KMT2D: variants seen among roughly 807,000 people sequenced by gnomAD.
KMT2D encodes the protein lysine methyltransferase 2D.
A neutral mutation model predicts 512.7 loss-of-function variants in KMT2D; 55 were observed. That is an observed-to-expected ratio of 0.11 (90% CI 0.09 to 0.13). The LOEUF (loss-of-function observed/expected upper bound fraction) is 0.13. KMT2D is among the 10% of genes least tolerant of loss of function. The pLI, the probability that KMT2D is intolerant of heterozygous loss-of-function variation, is 1.00. For synonymous variants in KMT2D, 2,995 were observed against 2,904.0 expected, an observed-to-expected ratio of 1.03 and a Z score of -1.01; for missense variants, 6,061 against 7,127.9, an observed-to-expected ratio of 0.85 and a Z score of 5.39.
intron 25 of KMT2D, 27 bp from the exon 26 acceptor site, chr12:49,043,213 G>C (rs765915013): frequency 7.5e-6 from 12 of 1,599,262 alleles, no homozygotes; most frequent in Middle Eastern, 1.7e-4. Flanking sequence ...AAACCCATGG[G>C]TCAAGGCCAG....
At position 49,041,228 on chromosome 12, in the gene KMT2D, G is replaced by T; in HGVS notation, c.6542C>A (p.Pro2181His). Residue 2181 changes from proline (P) to histidine (H), a missense_variant, in exon 32 of 55, where the codon CCT becomes CAT. By Grantham distance (77) the Pro-to-His change is moderately conservative. Around this residue, in one of 16 missense-constraint regions of KMT2D, gnomAD observed 710 missense variants for 647.3 expected, o/e 1.10. Coordinates refer to ENST00000301067, the MANE Select transcript of KMT2D (RefSeq NM_003482.4). This position sits in a 1 kb window ranked among gnomAD's most constrained non-coding sequence, Gnocchi z 5.4. ...GAAGCGGGGCTCCAGGGGATAGGCAGGGGCCAGTCCAAAGGGGTCCTGCGA... is the reference window on the plus strand; with the variant it reads ...GAAGCGGGGCTCCAGGGGATAGGCATGGGCCAGTCCAAAGGGGTCCTGCGA... The part of the protein sequence containing the change: ...VPSQDPFGLA[P>H]AYPLEPRFPT... 6.6e-7 allele frequency: 1 copy of T among 1,514,086 alleles called. No individual in the cohort carries two copies. The highest frequency in any genetic ancestry group is 1.3e-5 in the South Asian group (1 of 74,468). 93.8% of individuals were successfully genotyped at this position (1,514,086 alleles called of 1,614,324 possible).
intron 9 of KMT2D, 21 bp from the exon 10 acceptor site, chr12:49,052,730 C>T: frequency 6.2e-7 from 1 of 1,609,368 alleles, no homozygotes; most frequent in Non-Finnish European, 8.5e-7. Context: ...TACAGGGGAG[C>T]AGGCACTGTG....
At position 49,020,057 on chromosome 12, in the gene KMT2D, G is replaced by T. The variant is rs530183421; in HGVS notation, c.*1723C>A. The stretch of plus-strand genomic sequence containing the variant: ...CCCCACGGTTCCCTACCAGAGAGGG[G>T]TTTGGGGCCTCACCCACCCCTTACC... On this transcript the variant is annotated 3_prime_UTR_variant, in exon 55 of 55. Transcript: ENST00000301067. 5.0e-6 allele frequency: 1 copy of T among 201,178 alleles called. No homozygotes were observed. The highest frequency in any genetic ancestry group is 2.3e-5 in the African/African-American group (1 of 43,564). 12.5% of individuals were successfully genotyped at this position (201,178 alleles called of 1,614,324 possible).
chr12:49,052,219 C>T lies in KMT2D; in HGVS notation c.1464G>A (p.Pro488=), dbSNP rs201966522. Residue 488 remains proline, a synonymous_variant, in exon 11 of 55, where the codon CCG becomes CCA. Transcript: ENST00000301067. ...PLPEALHLSR[P]LEESPLSPPP... Reference sequence around the variant, plus strand: ...GCGGAGAGAGGGGCGATTCCTCCAGCGGCCGGGACAGGTGCAATGCCTCAG... The same window carrying T: ...GCGGAGAGAGGGGCGATTCCTCCAGTGGCCGGGACAGGTGCAATGCCTCAG... 257 of 1,609,856 alleles carry T rather than the reference C, an allele frequency of 1.6e-4. No individual in the cohort carries two copies. The highest frequency in any genetic ancestry group is 2.3e-4 in the African/African-American group (17 of 73,596).
At chr12:49,052,863 T>C in intron 9 of KMT2D, 52 bp downstream of exon 9, 2 of 1,608,080 alleles carry the variant, frequency 1.2e-6, no homozygotes, top group Non-Finnish European at 1.7e-6. Context: ...CCCCTGCCAA[T>C]GTCAGTTCTT....
Position 49,037,376 on chromosome 12 carries a change from T to C in KMT2D, c.9980A>G (p.Gln3327Arg), listed in dbSNP as rs771174318. 1 of 1,610,168 alleles carries C rather than the reference T, an allele frequency of 6.2e-7. No homozygotes were observed. Among genetic ancestry groups the C allele is most frequent in the South Asian group, 1.1e-5 (1 of 90,232 alleles). ...LAGARQPGLP[Q>R]PLMPTQPPAH... The stretch of plus-strand genomic sequence containing the variant: ...TGGTGGCTGGGTGGGCATCAGTGGC[T>C]GGGGCAAACCTGGCTGTCGGGCACC... Residue 3327 changes from glutamine (Q) to arginine (R), a missense_variant, in exon 35 of 55, where the codon CAG becomes CGG. Coordinates refer to ENST00000301067, the MANE Select transcript of KMT2D (RefSeq NM_003482.4).
intron 38 of KMT2D, 27 bp downstream of exon 38, chr12:49,034,383 C>CCATATG: frequency 6.2e-7 from 1 of 1,613,498 alleles, no homozygotes; most frequent in Non-Finnish European, 8.5e-7. Context: ...CACTCCCCTG[C>CCATATG]ACCTTCCTCC....
rs1241809801 is a variant in KMT2D, at chr12:49,027,940, G to C, written c.14516-10C>G. 1 of 1,613,946 alleles carries C rather than the reference G, an allele frequency of 6.2e-7. No homozygotes were observed. On this transcript the variant is annotated splice_polypyrimidine_tract_variant and intron_variant, in intron 47 of 54. Transcript: ENST00000301067. ...CCCTTTTCCTTCCCACCTGCAGAAA[G>C]GAGTGGATCAGAGCCTCCCACCAGA... is the stretch of plus-strand genomic sequence containing the variant.
At chr12:49,034,379 C>G in intron 38 of KMT2D, 31 bp downstream of exon 38, 1 of 1,613,458 alleles carries the variant, frequency 6.2e-7, no homozygotes, top group Non-Finnish European at 8.5e-7. Flanking sequence ...AAACCACTCC[C>G]CTGCACCTTC....
rs1460481305 is a variant in KMT2D at position 49,041,067 on chromosome 12, TG to T, written c.6702del (p.Arg2235AspfsTer29). 6.5e-7 allele frequency: 1 copy of T among 1,537,390 alleles called. No individual in the cohort carries two copies. The highest frequency in any genetic ancestry group is 8.7e-7 in the Non-Finnish European group (1 of 1,143,856). Reference protein sequence around the residue: ...GEFHTTPPGTPRHQPSTPDPF... With the variant: ...GEFHTTPPGTXRHQPSTPDPF... ...GGGTCAGGTGTGGAGGGCTGGTGTC[TG>T]GGGGTGCCAGGTGGGGTAGTGTGGA... On this transcript the variant is annotated frameshift_variant, in exon 32 of 55. Coordinates refer to ENST00000301067, the MANE Select transcript of KMT2D (RefSeq NM_003482.4). LOFTEE classifies it high-confidence loss of function. This position sits in a 1 kb window ranked among gnomAD's most constrained non-coding sequence, Gnocchi z 5.4.
chr12:49,038,960 T>G lies in KMT2D; in HGVS notation c.8396A>C (p.Tyr2799Ser), dbSNP rs1356426477. Residue 2799 changes from tyrosine to serine, a missense_variant, in exon 35 of 55, where the codon TAT (tyrosine) becomes TCT (serine). Tyr to Ser is a moderately radical substitution (Grantham distance 144). This residue lies in a region of KMT2D where 527 missense variants were observed against 578.9 expected (regional missense o/e 0.91). Transcript: ENST00000301067. This position sits in a 1 kb window ranked among gnomAD's most constrained non-coding sequence, Gnocchi z 5.7. ...GGACCCAGGATAGGGTGCTCGCTGATAGAAAGCTTGGGAGCCTCCTACCAG... is the reference window on the plus strand; with the variant it reads ...GGACCCAGGATAGGGTGCTCGCTGAGAGAAAGCTTGGGAGCCTCCTACCAG... The part of the protein sequence containing the change: ...RQLVGGSQAF[Y>S]QRAPYPGSLP... 1.3e-6 allele frequency: 2 copies of G among 1,551,668 alleles called. No individual in the cohort carries two copies. The highest frequency in any genetic ancestry group is 1.7e-6 in the Non-Finnish European group (2 of 1,147,074).
chr12:49,052,105 TGACTCTTCCGGTGGAGACAAGGGC>T lies in KMT2D; in HGVS notation c.1554_1577del (p.Leu520_Pro527del), dbSNP rs1342814361. 2.5e-6 allele frequency: 4 copies of T among 1,608,658 alleles called. No homozygotes were observed. The highest frequency in any genetic ancestry group is 2.5e-6 in the Non-Finnish European group (3 of 1,178,512). ...GCGTCTCAAGTGCAGGAGATGGGGG[TGACTCTTCCGGTGGAGACAAGGGC>T]GACTCCTCCAGTGGAGAAAAAGGTG... On this transcript the variant is annotated inframe_deletion, in exon 11 of 55. Coordinates refer to ENST00000301067, the MANE Select transcript of KMT2D (RefSeq NM_003482.4).
rs1565802807 is a variant in KMT2D at position 49,044,092 on chromosome 12, C to T, written c.5189-94G>A. 6 of 1,592,066 alleles carry T rather than the reference C, an allele frequency of 3.8e-6. No individual in the cohort carries two copies. The highest frequency in any genetic ancestry group is 4.3e-6 in the Non-Finnish European group (5 of 1,167,482). On this transcript the variant is annotated intron_variant, in intron 22 of 54. Coordinates refer to ENST00000301067, the MANE Select transcript of KMT2D (RefSeq NM_003482.4). The surrounding 1 kb of genome is among the most constrained non-coding windows in gnomAD (Gnocchi z 6.4). ...TTGTGCCTACTCTCTCCCACAACAC[C>T]AGCTGGGTCTACCACCCTCTTGGCC...
At position 49,050,917 on chromosome 12, in the gene KMT2D, C is replaced by A. The variant is rs2120659725; in HGVS notation, c.2766G>T (p.Glu922Asp). 1 of 1,537,670 alleles carries A rather than the reference C, an allele frequency of 6.5e-7. No homozygotes were observed. The highest frequency in any genetic ancestry group is 8.8e-7 in the Non-Finnish European group (1 of 1,141,548). ...GCATCAGCTGAGGCGACAAGGATGG[C>A]TCCCCAGATGGGGACAACGGCAGCT... is the stretch of plus-strand genomic sequence containing the variant. ...PEELPLSPSG[E>D]PSLSPQLMPP... The change falls in exon 11 of 55, where the codon GAG (glutamate) becomes GAT (aspartate). Residue 922 changes from glutamate (E) to aspartate (D), a missense_variant. Transcript: ENST00000301067.
intron 12 of KMT2D, 41 bp from the exon 13 acceptor site, chr12:49,049,259 G>T: frequency 1.5e-6 from 2 of 1,302,330 alleles, no homozygotes; most frequent in Non-Finnish European, 2.2e-6. Context: ...CATGTCAAGG[G>T]CTAGTGTGTT....
At chr12:49,058,906 C>T (rs1350366649) in intron 1 of KMT2D, among the ~76,000 whole-genome samples, 1 of 152,312 alleles carries the variant, frequency 6.6e-6, no homozygotes, top group Non-Finnish European at 1.5e-5. Context: ...TTAGATCCAT[C>T]CCAAGAGGAG....
chr12:49,042,143 A>T lies in KMT2D; in HGVS notation c.6055T>A (p.Ser2019Thr). ...TTAATGTTGGCATAGAGCACAGGTG[A>T]GATGGTGGACAGCTGGCCCAACTCC... ...DEELGQLSTI[S>T]PVLYANINFP... Residue 2019 changes from serine (S) to threonine (T), a missense_variant, in exon 29 of 55, where the codon TCA (serine) becomes ACA (threonine). Ser to Thr is a moderately conservative substitution (Grantham distance 58, BLOSUM62 1). This residue lies in a region of KMT2D where 640 missense variants were observed against 814.3 expected (regional missense o/e 0.79). Coordinates refer to ENST00000301067, the MANE Select transcript of KMT2D (RefSeq NM_003482.4). This position sits in a 1 kb window ranked among gnomAD's most constrained non-coding sequence, Gnocchi z 4.4. 6.2e-7 allele frequency: 1 copy of T among 1,613,548 alleles called. No homozygotes were observed. The highest frequency in any genetic ancestry group is 8.5e-7 in the Non-Finnish European group (1 of 1,179,732).
rs2120455385 is a variant in KMT2D, at chr12:49,034,297, C to T, written c.10510G>A (p.Glu3504Lys). 1 of 1,612,058 alleles carries T rather than the reference C, an allele frequency of 6.2e-7. No homozygotes were observed. The highest frequency in any genetic ancestry group is 1.1e-5 in the South Asian group (1 of 91,062). The change falls in exon 39 of 55, where the codon GAA becomes AAA. Residue 3504 changes from glutamate to lysine, a missense_variant and splice_region_variant. Glu to Lys is a moderately conservative substitution (Grantham distance 56, BLOSUM62 1). Around this residue, in one of 16 missense-constraint regions of KMT2D, gnomAD observed 533 missense variants for 539.6 expected, o/e 0.99. Coordinates refer to ENST00000301067, the MANE Select transcript of KMT2D (RefSeq NM_003482.4). ...TCCTCATACTGCCGCTGGTCAGCTT[C>T]ATCTGGGAAAAGAAGCTGGGTGTCA... is the stretch of plus-strand genomic sequence containing the variant. ...PPTFAQGVIN[E>K]ADQRQYEEWL...
rs1938304119 is a variant in KMT2D, at chr12:49,054,747, C to T, written c.181G>A (p.Gly61Ser). 1.9e-6 allele frequency: 3 copies of T among 1,613,776 alleles called. No homozygotes were observed. The highest frequency in any genetic ancestry group is 1.7e-5 in the Admixed American group (1 of 60,000). The change falls in exon 4 of 55, where the codon GGT (glycine) becomes AGT (serine). Residue 61 changes from glycine to serine, a missense_variant. Gly to Ser is a moderately conservative substitution (Grantham distance 56, BLOSUM62 0). Coordinates refer to ENST00000301067, the MANE Select transcript of KMT2D (RefSeq NM_003482.4). This position sits in a 1 kb window ranked among gnomAD's most constrained non-coding sequence, Gnocchi z 6.4. ...CAGAGAGCACAACGCCGCACCGGAC[C>T]CCCACTGTGGACACACAAGCATCAG... ...LQETPQDCSG[G>S]PVRRCALCNC...
Sources: allele counts gnomAD v4.1 joint callset (sites outside exome capture counted in the v4.1 genomes callset), GRCh38; gene constraint gnomAD v4.1.1; regional missense constraint gnomAD v4.1.1; non-coding constraint Gnocchi (gnomAD v3.1); transcripts MANE v1.5; gene names NCBI Gene and HGNC (gene_info 2026-07-23, HGNC 2026-07-21).